Variants in GSE1 observed in about 807,000 individuals in gnomAD.
The protein encoded by GSE1 is Gse1 coiled-coil protein.
A neutral mutation model predicts 112.6 loss-of-function variants in GSE1; 32 were observed. The observed-to-expected ratio is 0.28, with a 90% CI of 0.21 to 0.38. The LOEUF is 0.38. Ranked by LOEUF, GSE1 falls within the 10% of genes least tolerant of loss-of-function variation. The probability of loss-of-function intolerance (pLI) is 1.00; values close to 1 mark genes in which losing one functional copy is unlikely to be tolerated. For missense variants in GSE1, 2,348 were observed against 1,699.2 expected, an observed-to-expected ratio of 1.38 and a Z score of -6.71; for synonymous variants, 1,115 against 735.6, an observed-to-expected ratio of 1.52 and a Z score of -8.35.
At position 85,351,342 on chromosome 16, in the gene GSE1, C is replaced by T. The variant is rs532825901; in HGVS notation, c.2284-6121C>T. ...TTTATTGTTCAAAATACTGGGTTTA[C>T]ACACTACAACATGACAAACCTGAAA... On this transcript the variant is annotated intron_variant, in intron 1 of 2. Coordinates refer to the GSE1 transcript ENST00000637419. Among the ~76,000 whole-genome samples, 4 of 152,332 alleles carry T rather than the reference C, an allele frequency of 2.6e-5. No individual in the cohort carries two copies. In the East Asian group the frequency reaches 5.8e-4, roughly 22 times the overall value.
intron 1 of GSE1, among the ~76,000 whole-genome samples, chr16:85,251,316 T>C (rs1019671696): frequency 4.6e-5 from 7 of 152,222 alleles, no homozygotes; most frequent in African/African-American, 1.7e-4. Flanking sequence ...GAAGGACTCA[T>C]GTCTGTTTTC....
chr16:85,199,326 T>TCCTC (rs2074985978), intron 1 of GSE1, among the ~76,000 whole-genome samples: 1 of 151,992 alleles, frequency 6.6e-6, no homozygotes, highest in Non-Finnish European at 1.5e-5. Context: ...ACTCAAGCAA[T>TCCTC]CCTCCCGCCT....
chr16:85,343,565 A>G (rs1255481899), intron 1 of GSE1, among the ~76,000 whole-genome samples: 1 of 152,162 alleles, frequency 6.6e-6, no homozygotes, highest in East Asian at 1.9e-4. Context: ...CTTGGACAAC[A>G]TAGCCAGACC....
intron 2 of GSE1, among the ~76,000 whole-genome samples, chr16:85,444,330 C>T (rs2049455420): frequency 6.6e-6 from 1 of 152,174 alleles, no homozygotes; most frequent in Non-Finnish European, 1.5e-5. Context: ...CAAAGGCAAC[C>T]AGGGGACAGT....
chr16:85,519,719 TCATCAC>T lies in GSE1; in HGVS notation c.2465-114180_2465-114175del, dbSNP rs995661550. On this transcript the variant is annotated intron_variant, in intron 2 of 2. Transcript: ENST00000637419. Reference sequence around the variant, plus strand: ...ACCACAGTCTCCATCACTGTCATCATCATCACCATCACCATCACCACCATCAGCATC... The same window carrying T: ...ACCACAGTCTCCATCACTGTCATCATCATCACCATCACCACCATCAGCATC... 1.2e-4 allele frequency among the ~76,000 whole-genome samples: 17 copies of T among 138,226 alleles called. No homozygotes were observed. The East Asian group carries it at 1.6e-3, about 13-fold the overall frequency. 90.7% of individuals were successfully genotyped at this position (138,226 alleles called of 152,430 possible).
chr16:85,647,891 G>A (rs1329343368), intron 2 of GSE1, among the ~76,000 whole-genome samples: 1 of 152,140 alleles, frequency 6.6e-6, no homozygotes, highest in Non-Finnish European at 1.5e-5. Context: ...GGCCAGTGCT[G>A]ACCGCTTCTT....
chr16:85,357,947 A>T (rs958223685), intron 2 of GSE1, among the ~76,000 whole-genome samples: 2 of 151,886 alleles, frequency 1.3e-5, no homozygotes, highest in East Asian at 1.9e-4. Context: ...TTCATTCATT[A>T]AAAAAAATGA....
chr16:85,388,730 G>A (rs2047764685), intron 2 of GSE1, among the ~76,000 whole-genome samples: 1 of 152,152 alleles, frequency 6.6e-6, no homozygotes, highest in African/African-American at 2.4e-5. Context: ...ATAGATGGGT[G>A]GATGGAAGGA....
chr16:85,178,967 G>A (rs749877420), intron 1 of GSE1, among the ~76,000 whole-genome samples: 8 of 152,128 alleles, frequency 5.3e-5, no homozygotes, highest in Non-Finnish European at 1.0e-4. Context: ...GGCTGCCCTG[G>A]AGAAAGCATG....
chr16:85,330,145 C>A (rs995908301), intron 1 of GSE1, among the ~76,000 whole-genome samples: 1 of 152,216 alleles, frequency 6.6e-6, no homozygotes, highest in Non-Finnish European at 1.5e-5. Flanking sequence ...CGAGCAGGGA[C>A]CCCAGGGCTC....
At chr16:85,233,967 A>AG (rs1335063080) in intron 1 of GSE1, among the ~76,000 whole-genome samples, 8 of 152,280 alleles carry the variant, frequency 5.3e-5, no homozygotes, top group African/African-American at 1.9e-4. Context: ...GCGGCTCCTC[A>AG]AACCTGAATG....
Position 85,672,476 on chromosome 16 carries a change from A to G in GSE1, c.3591A>G (p.Arg1197=), listed in dbSNP as rs759727632. The G allele has an allele frequency of 5.0e-6, 8 of 1,611,880 alleles. No homozygotes were observed. The highest frequency in any genetic ancestry group is 3.3e-5 in the Admixed American group (2 of 59,980). ...TCCAGGCAGAACTGGACCACTTACG[A>G]AAGTGCCTTGCCTTGCCTGCAATGC... ...ERLQAELDHL[R]KCLALPAMHW... The change falls in exon 16 of 16, where the codon CGA becomes CGG. Residue 1197 remains arginine, a synonymous_variant. Transcript: ENST00000253458.
intron 1 of GSE1, among the ~76,000 whole-genome samples, chr16:85,339,839 C>G (rs890483289): frequency 6.6e-6 from 1 of 152,168 alleles, no homozygotes; most frequent in Non-Finnish European, 1.5e-5. Context: ...GGATATACAT[C>G]GTCTGTCTTC....
intron 2 of GSE1, chr16:85,359,208 T>G (rs991816229): frequency 5.7e-6 from 2 of 352,150 alleles, no homozygotes; most frequent in African/African-American, 4.3e-5. Flanking sequence ...AGGACACCAG[T>G]GTTCCCCTGT....
intron 2 of GSE1, among the ~76,000 whole-genome samples, chr16:85,422,287 G>T (rs1330461834): frequency 6.6e-6 from 1 of 152,226 alleles, no homozygotes; most frequent in Non-Finnish European, 1.5e-5. Context: ...TGCTAGGGGT[G>T]GCTGTCAGGA....
At chr16:85,480,273 G>T (rs1182537940) in intron 2 of GSE1, among the ~76,000 whole-genome samples, 1 of 152,256 alleles carries the variant, frequency 6.6e-6, no homozygotes, top group Non-Finnish European at 1.5e-5. Context: ...GCAGTGTTTC[G>T]ATGGGGATGG....
chr16:85,206,987 G>A (rs564019415), intron 1 of GSE1, among the ~76,000 whole-genome samples: 115 of 152,312 alleles, frequency 7.6e-4, no homozygotes, highest in African/African-American at 2.6e-3. Context: ...TGGCTCCAGC[G>A]GTCCGGCGGG....
At chr16:85,592,444 C>T (rs1489747053) in intron 1 of GSE1, 1 of 152,284 alleles carries the variant, frequency 6.6e-6, no homozygotes, top group East Asian at 1.9e-4. Flanking sequence ...GCCACTCTGC[C>T]CGGCCTGTGC....
chr16:85,591,164 C>CAGAAGT (rs1451595086), intron 1 of GSE1, among the ~76,000 whole-genome samples: 5 of 152,222 alleles, frequency 3.3e-5, no homozygotes, highest in Non-Finnish European at 2.9e-5. Flanking sequence ...GTAGTCCTAG[C>CAGAAGT]AGAAGGTCCA....
Sources: gnomAD v4.1 joint callset for allele counts (sites outside exome capture counted in the v4.1 genomes callset) on GRCh38, gnomAD v4.1.1 for gene constraint, MANE v1.5 for transcripts, NCBI Gene and HGNC (gene_info 2026-07-23, HGNC 2026-07-21) for gene names.